PNPLA7: variants seen among roughly 807,000 people sequenced by gnomAD.
PNPLA7 encodes patatin like domain 7, lysophospholipase, also known as patatin-like phospholipase domain-containing protein 7.
In PNPLA7, 153 loss-of-function variants were observed where a neutral mutation model predicts 161.7. The observed-to-expected ratio is 0.95, with a 90% CI of 0.83 to 1.08. The LOEUF (loss-of-function observed/expected upper bound fraction) is 1.08. Ranked by LOEUF, PNPLA7 falls within the 50% of genes least tolerant of loss-of-function variation. PNPLA7 has a pLI of 0.00. For missense variants in PNPLA7, 1,739 were observed against 1,856.6 expected (o/e 0.94, Z 1.16); for synonymous variants, 809 against 782.1 (o/e 1.03, Z -0.57).
In PNPLA7 at chr9:137,515,278, C is replaced by T. The variant is rs1834469264; in HGVS notation, c.1225+101G>A. On this transcript the variant is annotated intron_variant, in intron 12 of 34. Coordinates refer to ENST00000406427, the MANE Select transcript of PNPLA7 (RefSeq NM_001098537.3). ...ACGTGGGGCTCTAGTGGAGGGTGCC[C>T]GCCTCGGCGGCGATGCTGGGCATCA... The T allele has an allele frequency of 2.5e-5, 36 of 1,465,794 alleles. No individual in the cohort carries two copies. The East Asian group carries it at 3.0e-4, about 12-fold the overall frequency. The allele number at this position is 1,465,794 out of a possible 1,614,324, so 90.8% of individuals were successfully genotyped here.
Position 137,462,339 on chromosome 9 carries a change from C to T in PNPLA7, c.3493-8G>A, listed in dbSNP as rs775771708. ...CTCTGCCATGTTCAACACCTGCTGC[C>T]GTCACAGCCGCCTGAGTCTCCTGCC... On this transcript the variant is annotated splice_region_variant and splice_polypyrimidine_tract_variant and intron_variant, in intron 30 of 34. Coordinates refer to ENST00000406427, the MANE Select transcript of PNPLA7 (RefSeq NM_001098537.3). 9.4e-6 allele frequency: 15 copies of T among 1,589,664 alleles called. No homozygotes were observed. Among genetic ancestry groups the T allele is most frequent in the East Asian group, 4.5e-5 (2 of 44,640 alleles).
chr9:137,534,903 C>A (rs1436339952), intron 8 of PNPLA7, among the ~76,000 whole-genome samples: 1 of 140,844 alleles, frequency 7.1e-6, no homozygotes, highest in Non-Finnish European at 1.5e-5. Context: ...TCCCTCGAAC[C>A]GCGCGTTCTA....
intron 15 of PNPLA7, among the ~76,000 whole-genome samples, chr9:137,501,162 G>A (rs981971888): frequency 1.3e-5 from 2 of 152,166 alleles, no homozygotes; most frequent in African/African-American, 2.4e-5. Context: ...CCCGGCACCC[G>A]CATACTGACT....
In PNPLA7 at chr9:137,490,490, G is replaced by A. The variant is rs1333324986; in HGVS notation, c.2197+2523C>T. ...CTTCATGAGAAGCAACAGAGGCCAT[G>A]AGGAAGTGGCACAAGATTTTTAAAG... On this transcript the variant is annotated intron_variant, in intron 20 of 34. Coordinates refer to ENST00000406427, the MANE Select transcript of PNPLA7 (RefSeq NM_001098537.3). This position sits in a 1 kb window ranked among gnomAD's most constrained non-coding sequence, Gnocchi z 4.1. Among the ~76,000 whole-genome samples the A allele has an allele frequency of 6.6e-6, 1 of 152,202 alleles. No homozygotes were observed. The highest frequency in any genetic ancestry group is 1.5e-5 in the Non-Finnish European group (1 of 68,034).
At chr9:137,482,628 C>T (rs1056960212) in intron 21 of PNPLA7, among the ~76,000 whole-genome samples, 1 of 152,240 alleles carries the variant, frequency 6.6e-6, no homozygotes, top group African/African-American at 2.4e-5. Flanking sequence ...GACAGAGTGG[C>T]CCCGTGTGGT....
At chr9:137,496,760 C>T (rs1833081666) in intron 18 of PNPLA7, among the ~76,000 whole-genome samples, 1 of 152,150 alleles carries the variant, frequency 6.6e-6, no homozygotes, top group Non-Finnish European at 1.5e-5. Context: ...TCGGCAGAAG[C>T]CCCAGGCCGT....
chr9:137,512,497 T>G (rs370831155), intron 12 of PNPLA7, among the ~76,000 whole-genome samples: 4 of 152,212 alleles, frequency 2.6e-5, no homozygotes, highest in African/African-American at 9.6e-5. Flanking sequence ...CTGCTGGTGG[T>G]AACAAGAGGA....
At chr9:137,462,578 G>A (rs1831269423) in intron 30 of PNPLA7, 107 bp downstream of exon 30, 2 of 1,472,282 alleles carry the variant, frequency 1.4e-6, no homozygotes, top group South Asian at 1.3e-5. Context: ...CCCCAGACCT[G>A]CTGGCCTCAG....
At chr9:137,546,795 GC>G in intron 4 of PNPLA7, 34 bp downstream of exon 4, 1 of 1,602,408 alleles carries the variant, frequency 6.2e-7, no homozygotes, top group Non-Finnish European at 8.5e-7. Flanking sequence ...GCTCGAGGAA[GC>G]CGTGTGCAGC....
chr9:137,479,015 C>A, intron 24 of PNPLA7, 41 bp downstream of exon 24: 2 of 1,507,164 alleles, frequency 1.3e-6, no homozygotes, highest in Non-Finnish European at 1.8e-6. Flanking sequence ...AGGAAATGAA[C>A]CACGGAGCCA....
rs779790901 is a variant in PNPLA7 at position 137,521,629 on chromosome 9, C to A, written c.957+7G>T. ...GCATGGGGCTTTGTGAGGTGGTTTT[C>A]ACTTACAGCGTTGAAGAGCTCTGTG... On this transcript the variant is annotated splice_region_variant and intron_variant, in intron 10 of 34. Transcript: ENST00000406427. 1.2e-6 allele frequency: 2 copies of A among 1,612,124 alleles called. No individual in the cohort carries two copies. The highest frequency in any genetic ancestry group is 1.7e-6 in the Non-Finnish European group (2 of 1,179,654).
rs944031123 is a variant in PNPLA7, at chr9:137,470,573, T to A, written c.2883-3100A>T. Among the ~76,000 whole-genome samples, 8 of 152,210 alleles carry A rather than the reference T, an allele frequency of 5.3e-5. No individual in the cohort carries two copies. The East Asian group carries it at 5.8e-4, about 11-fold the overall frequency. On this transcript the variant is annotated intron_variant, in intron 25 of 34. Transcript: ENST00000406427. ...AAAAATAAAAAAGTAAAAATAAAAA[T>A]TTTTTAAAAACCTTCTAGAGAATAG...
intron 25 of PNPLA7, among the ~76,000 whole-genome samples, chr9:137,474,098 G>A (rs530040627): frequency 6.6e-6 from 1 of 152,154 alleles, no homozygotes; most frequent in Non-Finnish European, 1.5e-5. Flanking sequence ...AATTAGCTGG[G>A]TGTGGTGGTG....
rs1380236494 is a variant in PNPLA7 at position 137,522,755 on chromosome 9, G to C, written c.850C>G (p.Pro284Ala). The C allele has an allele frequency of 6.2e-7, 1 of 1,613,700 alleles. No individual in the cohort carries two copies. The highest frequency in any genetic ancestry group is 1.1e-5 in the South Asian group (1 of 91,068). The change falls in exon 9 of 35, where the codon CCG (proline) becomes GCG (alanine). Residue 284 changes from proline to alanine, a missense_variant. Coordinates refer to ENST00000406427, the MANE Select transcript of PNPLA7 (RefSeq NM_001098537.3). Reference sequence around the variant, plus strand: ...TGCACCACCCTCACCAGAGTTTCCGGATATTTCTCAAAAACTCCATGAAAA... The same window carrying C: ...TGCACCACCCTCACCAGAGTTTCCGCATATTTCTCAAAAACTCCATGAAAA... ...AAFHGVFEKYPETLVRVVQII... is the reference protein window; with the variant it reads ...AAFHGVFEKYAETLVRVVQII...
rs766849130 is a variant in PNPLA7 at position 137,484,747 on chromosome 9, A to G, written c.2198-11T>C. On this transcript the variant is annotated splice_polypyrimidine_tract_variant and intron_variant, in intron 20 of 34. Transcript: ENST00000406427. ...GCCCAAGCTGGTGGCCTGTGGAGCA[A>G]AGGACCCACGTCAGCTGGGACAGCC... is the stretch of plus-strand genomic sequence containing the variant. 5.0e-6 allele frequency: 8 copies of G among 1,601,096 alleles called. No homozygotes were observed. The East Asian group carries it at 1.8e-4, about 36-fold the overall frequency.
At chr9:137,542,558 T>A in intron 7 of PNPLA7, 84 bp downstream of exon 7, 1 of 1,375,906 alleles carries the variant, frequency 7.3e-7, no homozygotes. Context: ...AGCTTTTCAA[T>A]GAGAAACGTT....
chr9:137,464,598 GGC>G, intron 26 of PNPLA7, 142 bp from the exon 27 acceptor site: 1 of 771,182 alleles, frequency 1.3e-6, no homozygotes, highest in Non-Finnish European at 2.2e-6. Flanking sequence ...CCTGAGGCTT[GGC>G]GCCCTGGCTG....
At chr9:137,492,508 CGGG>C (rs1832816314) in intron 20 of PNPLA7, among the ~76,000 whole-genome samples, 1 of 12,580 alleles carries the variant, frequency 7.9e-5, no homozygotes, top group African/African-American at 4.7e-4. Flanking sequence ...GGGGCATGGG[CGGG>C]TGGGTGGGGC....
chr9:137,503,639 G>C (rs1054904029), intron 14 of PNPLA7, among the ~76,000 whole-genome samples: 43 of 140,932 alleles, frequency 3.1e-4, no homozygotes, highest in Non-Finnish European at 5.9e-4. Flanking sequence ...GAGGGAGAAG[G>C]AGAAGGGGGA....
Sources: allele counts gnomAD v4.1 joint callset (sites outside exome capture counted in the v4.1 genomes callset), GRCh38; gene constraint gnomAD v4.1.1; non-coding constraint Gnocchi (gnomAD v3.1); transcripts MANE v1.5; gene names NCBI Gene and HGNC (gene_info 2026-07-23, HGNC 2026-07-21).